Variants in ZNF391 observed in about 807,000 individuals in gnomAD.
The protein encoded by ZNF391 is zinc finger protein 391.
For missense variants in ZNF391, 375 were observed against 425.5 expected, an observed-to-expected ratio of 0.88 and a Z score of 1.04; for synonymous variants, 126 against 142.1, an observed-to-expected ratio of 0.89 and a Z score of 0.80.
At chr6:27,386,147 A>T (rs1761579367), upstream of ZNF391, among the ~76,000 whole-genome samples, 1 of 152,318 alleles carries the variant, frequency 6.6e-6, no homozygotes, top group Non-Finnish European at 1.5e-5. Flanking sequence ...GGGGGAATTT[A>T]TGGCAATGAA....
At chr6:27,383,382 G>T (rs1280132393) in intron 1 of ZNF391, among the ~76,000 whole-genome samples, 5 of 152,084 alleles carry the variant, frequency 3.3e-5, no homozygotes, top group African/African-American at 1.2e-4. Flanking sequence ...GTGGCTTAGA[G>T]AACACTGAGC....
chr6:27,397,677 T>A (rs1289712866), intron 1 of ZNF391, among the ~76,000 whole-genome samples: 1 of 152,200 alleles, frequency 6.6e-6, no homozygotes, highest in Non-Finnish European at 1.5e-5. Context: ...TTGCCCAGGC[T>A]GGAGTGCAGC....
Position 27,388,854 on chromosome 6 carries a change from C to G in ZNF391, c.-409C>G, listed in dbSNP as rs374834053. ...GACTGGTCCCGCATACCGAGCAGAG[C>G]ATGATCAGCAGCAGTCTGAGTGGAA... On this transcript the variant is annotated 5_prime_UTR_variant, in exon 1 of 3. Coordinates refer to ENST00000244576, the MANE Select transcript of ZNF391 (RefSeq NM_001076781.3). The G allele has an allele frequency of 2.2e-6, 1 of 452,296 alleles. No homozygotes were observed. Among genetic ancestry groups the G allele is most frequent in the Admixed American group, 2.4e-5 (1 of 40,886 alleles). The allele number at this position is 452,296 out of a possible 1,614,324, so 28.0% of individuals were successfully genotyped here.
intron 1 of ZNF391, among the ~76,000 whole-genome samples, chr6:27,396,813 G>A (rs1237361737): frequency 1.3e-5 from 2 of 152,164 alleles, no homozygotes; most frequent in East Asian, 1.9e-4. Flanking sequence ...TATGCATAAA[G>A]TGTTACTAGG....
upstream of ZNF391, among the ~76,000 whole-genome samples, chr6:27,385,569 G>T (rs566222205): frequency 3.3e-5 from 5 of 152,162 alleles, no homozygotes; most frequent in Admixed American, 3.3e-4. Flanking sequence ...ATGAGAAAAG[G>T]GTTCTCTAAG....
chr6:27,382,034 CAA>C (rs58338028), intron 1 of ZNF391, among the ~76,000 whole-genome samples: 10 of 88,338 alleles, frequency 1.1e-4, no homozygotes, highest in Admixed American at 1.4e-4. Flanking sequence ...GACTCCATCT[CAA>C]AAAAAAAAAA....
upstream of ZNF391, among the ~76,000 whole-genome samples, chr6:27,384,589 CA>C (rs1392514955): frequency 6.6e-6 from 1 of 151,516 alleles, no homozygotes; most frequent in African/African-American, 2.4e-5. Flanking sequence ...AAAGTTTGCT[CA>C]AAATAATAAC....
chr6:27,400,991 C>A lies in ZNF391; in HGVS notation c.621C>A (p.Asn207Lys). 6.2e-7 allele frequency: 1 copy of A among 1,614,190 alleles called. No individual in the cohort carries two copies. Among genetic ancestry groups the A allele is most frequent in the East Asian group, 2.2e-5 (1 of 44,886 alleles). ...GAAAAGCCTTTAGCCGAAGCACTAA[C>A]CTTAGTCAGCATCAGCGAACTCATA... Reference protein sequence around the residue: ...ECGKAFSRSTNLSQHQRTHTQ... With the variant: ...ECGKAFSRSTKLSQHQRTHTQ... The change falls in exon 3 of 3, where the codon AAC (asparagine) becomes AAA (lysine). Residue 207 changes from asparagine to lysine, a missense_variant. Asn to Lys is a moderately conservative substitution (Grantham distance 94). Transcript: ENST00000244576.
intron 1 of ZNF391, among the ~76,000 whole-genome samples, chr6:27,377,791 T>C (rs1441357009): frequency 6.6e-6 from 1 of 152,244 alleles, no homozygotes; most frequent in Non-Finnish European, 1.5e-5. Context: ...AACTGAGACC[T>C]GTCTCAGATT....
At chr6:27,375,029 C>A (rs1761394191) in exon 1 of ZNF391, 1 of 152,424 alleles carries the variant, frequency 6.6e-6, no homozygotes, top group Non-Finnish European at 1.5e-5. Flanking sequence ...TCCACTCCCA[C>A]CTCTCCAGGG....
At chr6:27,386,757 T>C (rs1761589000), upstream of ZNF391, among the ~76,000 whole-genome samples, 1 of 152,126 alleles carries the variant, frequency 6.6e-6, no homozygotes, top group Non-Finnish European at 1.5e-5. Flanking sequence ...TAACCCAAAA[T>C]GGATCAAGGA....
At chr6:27,385,465 T>C (rs184621754), upstream of ZNF391, among the ~76,000 whole-genome samples, 22 of 152,232 alleles carry the variant, frequency 1.4e-4, no homozygotes, top group Middle Eastern at 0.01. Flanking sequence ...ATACTAACAC[T>C]AATCAAAAGA....
In ZNF391 at chr6:27,394,597, G is replaced by A. The variant is rs548513951; in HGVS notation, c.-187-4845G>A. 9.6e-4 allele frequency among the ~76,000 whole-genome samples: 147 copies of A among 152,354 alleles called. 2 individuals are homozygous for A. Among genetic ancestry groups the A allele is most frequent in the Non-Finnish European group, 1.6e-3 (106 of 68,026 alleles). ...TAGGGCAGTCCAGAGGGGAAATGTG[G>A]AGTTGGAGGCCCCACACAGGGTCCC... On this transcript the variant is annotated intron_variant, in intron 1 of 2. Transcript: ENST00000244576.
intron 1 of ZNF391, among the ~76,000 whole-genome samples, chr6:27,397,993 C>T (rs1761865878): frequency 6.6e-6 from 1 of 152,182 alleles, no homozygotes. Context: ...AACCCAGTAG[C>T]AGGGCTTTTT....
At chr6:27,393,291 T>A (rs961692773) in intron 1 of ZNF391, among the ~76,000 whole-genome samples, 3 of 152,198 alleles carry the variant, frequency 2.0e-5, no homozygotes, top group Non-Finnish European at 2.9e-5. Flanking sequence ...GGTGCTGTTC[T>A]TGTGATAATG....
chr6:27,382,386 A>T (rs1197328918), intron 1 of ZNF391, among the ~76,000 whole-genome samples: 1 of 152,242 alleles, frequency 6.6e-6, no homozygotes, highest in Non-Finnish European at 1.5e-5. Context: ...AGAAGTTTTT[A>T]AAAAGTGGTC....
intron 1 of ZNF391, chr6:27,390,973 C>T (rs1384816629): frequency 6.6e-6 from 1 of 152,052 alleles, no homozygotes; most frequent in Non-Finnish European, 1.5e-5. Flanking sequence ...TCTATTTTGA[C>T]CCTCAGGAAG....
intron 1 of ZNF391, among the ~76,000 whole-genome samples, chr6:27,382,591 TGATGATTAA>T (rs1340430950): frequency 6.6e-6 from 1 of 152,038 alleles, no homozygotes; most frequent in African/African-American, 2.4e-5. Context: ...TTTGAAACAA[TGATGATTAA>T]GATGATTAAG....
At chr6:27,381,041 C>T (rs997983471) in intron 1 of ZNF391, among the ~76,000 whole-genome samples, 1 of 152,262 alleles carries the variant, frequency 6.6e-6, no homozygotes, top group African/African-American at 2.4e-5. Flanking sequence ...AGTGGAGCTG[C>T]CTGCCAGTCC....
Sources: gnomAD v4.1 joint callset for allele counts (sites outside exome capture counted in the v4.1 genomes callset) on GRCh38, gnomAD v4.1.1 for gene constraint, MANE v1.5 for transcripts, NCBI Gene and HGNC (gene_info 2026-07-23, HGNC 2026-07-21) for gene names.